The following TENM2 variants were observed in gnomAD, a reference collection of about 807,000 sequenced individuals.
TENM2 encodes teneurin-2.
A neutral mutation model predicts 245.2 loss-of-function variants in TENM2; 52 were observed. The ratio of observed to expected loss-of-function variants is 0.21; its 90% CI spans 0.17 to 0.27. The LOEUF is 0.27. TENM2 is among the 10% of genes least tolerant of loss of function. The pLI is 1.00. For missense variants in TENM2, 3,046 were observed against 3,666.8 expected, an observed-to-expected ratio of 0.83 and a Z score of 4.37; for synonymous variants, 1,363 against 1,438.9, an observed-to-expected ratio of 0.95 and a Z score of 1.19.
At chr5:167,994,118 A>T (rs1783873639) in intron 5 of TENM2, among the ~76,000 whole-genome samples, 1 of 151,160 alleles carries the variant, frequency 6.6e-6, no homozygotes, top group Non-Finnish European at 1.5e-5. Flanking sequence ...GGCCATGGTG[A>T]TGTTTGTTAA....
chr5:168,031,390 A>G (rs1218909381), intron 5 of TENM2, among the ~76,000 whole-genome samples: 2 of 152,170 alleles, frequency 1.3e-5, no homozygotes, highest in African/African-American at 2.4e-5. Flanking sequence ...TAACCTAGCT[A>G]TTTGGAATTT....
chr5:167,863,873 C>G (rs1438744215), intron 2 of TENM2, among the ~76,000 whole-genome samples: 1 of 152,154 alleles, frequency 6.6e-6, no homozygotes, highest in African/African-American at 2.4e-5. Context: ...GATGTTCGAA[C>G]AATTGTTCAG....
intron 2 of TENM2, among the ~76,000 whole-genome samples, chr5:167,464,740 A>G (rs1167012174): frequency 4.6e-5 from 7 of 152,200 alleles, no homozygotes; most frequent in South Asian, 2.1e-4. Flanking sequence ...GTATTAACTT[A>G]TAGGAGATTA....
chr5:168,226,003 C>G, intron 23 of TENM2, 85 bp from the exon 26 acceptor site: 7 of 1,333,588 alleles, frequency 5.2e-6, no homozygotes, highest in Non-Finnish European at 7.2e-6. Context: ...CCAGCTCTTT[C>G]TCTGGCCCTG....
intron 16 of TENM2, 102 bp from the exon 19 acceptor site, chr5:168,199,762 T>A: frequency 7.9e-7 from 1 of 1,273,700 alleles, no homozygotes; most frequent in Non-Finnish European, 1.1e-6. Context: ...ACATAAGATG[T>A]GATGCCTCAG....
At chr5:167,636,873 A>G (rs1450932457) in intron 2 of TENM2, among the ~76,000 whole-genome samples, 2 of 152,200 alleles carry the variant, frequency 1.3e-5, no homozygotes, top group Admixed American at 6.5e-5. Context: ...GCCCTATGCT[A>G]GTCCCTTTAG....
At chr5:168,196,606 C>T (rs1761449138) in intron 15 of TENM2, among the ~76,000 whole-genome samples, 1 of 152,170 alleles carries the variant, frequency 6.6e-6, no homozygotes. Flanking sequence ...GGATTACAGG[C>T]ACCCGCCACC....
At chr5:167,056,628 TATATATCTATATAA>T in the TENM2 span, among the ~76,000 whole-genome samples, 12 of 147,188 alleles carry the variant, frequency 8.2e-5, no homozygotes, top group East Asian at 2.0e-4. Flanking sequence ...TCTATATAAA[TATATATCTATATAA>T]ATATATCTAT....
At chr5:167,190,952 C>A in the TENM2 span, among the ~76,000 whole-genome samples, 2 of 151,946 alleles carry the variant, frequency 1.3e-5, no homozygotes, top group South Asian at 2.1e-4. Flanking sequence ...GTTTAAATGA[C>A]CTTTGTTATC....
At chr5:167,060,161 C>T in the TENM2 span, among the ~76,000 whole-genome samples, 2 of 152,034 alleles carry the variant, frequency 1.3e-5, no homozygotes, top group Non-Finnish European at 2.9e-5. Flanking sequence ...TATTGAAATA[C>T]ACCTTATATA....
At chr5:167,732,332 C>G (rs1199177012) in intron 2 of TENM2, among the ~76,000 whole-genome samples, 1 of 152,056 alleles carries the variant, frequency 6.6e-6, no homozygotes, top group South Asian at 2.1e-4. Context: ...AAATGTGTCC[C>G]TTGTGAATGC....
chr5:167,808,087 A>G (rs1309734179), intron 2 of TENM2, among the ~76,000 whole-genome samples: 5 of 152,210 alleles, frequency 3.3e-5, no homozygotes, highest in African/African-American at 1.2e-4. Flanking sequence ...AGGATGTAGT[A>G]TAGAATCTGA....
intron 2 of TENM2, among the ~76,000 whole-genome samples, chr5:167,841,802 C>T (rs181915543): frequency 6.6e-6 from 1 of 152,226 alleles, no homozygotes; most frequent in Admixed American, 6.5e-5. Flanking sequence ...TATCTTTTCC[C>T]TTTCGTCCCC....
At chr5:167,101,377 A>G in the TENM2 span, among the ~76,000 whole-genome samples, 5 of 152,206 alleles carry the variant, frequency 3.3e-5, no homozygotes, top group Non-Finnish European at 5.9e-5. Flanking sequence ...CACTATTTAC[A>G]TATTTACAAA....
intron 2 of TENM2, among the ~76,000 whole-genome samples, chr5:167,567,043 T>C (rs919329790): frequency 2.8e-5 from 3 of 105,634 alleles, no homozygotes; most frequent in African/African-American, 8.2e-5. Flanking sequence ...AGATCTGATA[T>C]AATTATAATA....
chr5:167,682,050 C>T (rs1756746150), intron 2 of TENM2, among the ~76,000 whole-genome samples: 1 of 149,664 alleles, frequency 6.7e-6, no homozygotes. Flanking sequence ...TTCTCCTTCC[C>T]TTTCTTCCTT....
the TENM2 span, among the ~76,000 whole-genome samples, chr5:166,982,216 G>A: frequency 6.6e-6 from 1 of 152,032 alleles, no homozygotes; most frequent in Non-Finnish European, 1.5e-5. Flanking sequence ...CGAGACTGTT[G>A]ATTCATGGAA....
At chr5:167,298,629 C>T (rs180887716) in intron 1 of TENM2, among the ~76,000 whole-genome samples, 37 of 152,100 alleles carry the variant, frequency 2.4e-4, no homozygotes, top group African/African-American at 8.7e-4. Flanking sequence ...AACAAAAAAC[C>T]CAAAAACTAA....
chr5:167,913,793 G>T (rs1245704355), intron 3 of TENM2, among the ~76,000 whole-genome samples: 1 of 152,192 alleles, frequency 6.6e-6, no homozygotes, highest in African/African-American at 2.4e-5. Flanking sequence ...GTCGATTCCT[G>T]TCCAAGCTGC....
Sources: gnomAD v4.1 joint callset for allele counts (sites outside exome capture counted in the v4.1 genomes callset) on GRCh38, gnomAD v4.1.1 for gene constraint, MANE v1.5 for transcripts, NCBI Gene and HGNC (gene_info 2026-07-23, HGNC 2026-07-21) for gene names.